CSMD3: variants seen among roughly 807,000 people sequenced by gnomAD.
CSMD3 encodes CUB and Sushi multiple domains 3, also known as CUB and sushi domain-containing protein 3.
Under a neutral mutation model 435.2 loss-of-function variants are expected in CSMD3, and 177 were observed. The ratio of observed to expected loss-of-function variants is 0.41; its 90% CI spans 0.36 to 0.46. CSMD3 has a LOEUF of 0.46. Ranked by LOEUF, CSMD3 falls within the 20% of genes least tolerant of loss-of-function variation. CSMD3 has a pLI of 0.34. For synonymous variants in CSMD3, 1,656 were observed against 1,520.5 expected (o/e 1.09, Z -2.07); for missense variants, 4,265 against 4,504.6 (o/e 0.95, Z 1.52).
intron 3 of CSMD3, among the ~76,000 whole-genome samples, chr8:113,217,999 T>A (rs1387706854): frequency 1.3e-5 from 2 of 151,198 alleles, no homozygotes; most frequent in Non-Finnish European, 3.0e-5. Flanking sequence ...ATAATGTAAC[T>A]GCTAAATTTT....
intron 41 of CSMD3, 51 bp downstream of exon 41, chr8:112,346,046 G>C (rs2131021953): frequency 1.0e-6 from 1 of 978,862 alleles, no homozygotes; most frequent in Non-Finnish European, 1.7e-6. Flanking sequence ...TTATTTTAAG[G>C]CTACATTAAT....
chr8:112,405,450 T>C (rs920784698), intron 35 of CSMD3, among the ~76,000 whole-genome samples: 1 of 150,984 alleles, frequency 6.6e-6, no homozygotes, highest in African/African-American at 2.4e-5. Context: ...TTCCCTACTT[T>C]CTATATTTTC....
chr8:112,343,079 GAA>G (rs1825333245), intron 41 of CSMD3, among the ~76,000 whole-genome samples: 1 of 139,912 alleles, frequency 7.1e-6, no homozygotes, highest in Non-Finnish European at 1.6e-5. Flanking sequence ...AAAACTCAAA[GAA>G]AAGAGTATGG....
At chr8:112,725,619 T>C (rs917508745) in intron 13 of CSMD3, among the ~76,000 whole-genome samples, 2 of 151,882 alleles carry the variant, frequency 1.3e-5, no homozygotes, top group Non-Finnish European at 2.9e-5. Context: ...CTTTTGTATA[T>C]ATGAAAGGGA....
chr8:113,426,509 A>G (rs1180171762), intron 1 of CSMD3, among the ~76,000 whole-genome samples: 2 of 151,402 alleles, frequency 1.3e-5, no homozygotes, highest in African/African-American at 4.8e-5. Context: ...AGAAGATTAA[A>G]AAAACAAAAC....
intron 22 of CSMD3, among the ~76,000 whole-genome samples, chr8:112,593,452 A>G (rs1831375371): frequency 6.6e-6 from 1 of 152,230 alleles, no homozygotes; most frequent in African/African-American, 2.4e-5. Context: ...AGAGAAGACA[A>G]TGAGTGGCTT....
At chr8:112,335,615 C>A (rs1586802801) in intron 44 of CSMD3, 141 bp from the exon 45 acceptor site, 1 of 736,074 alleles carries the variant, frequency 1.4e-6, no homozygotes, top group Non-Finnish European at 2.4e-6. Flanking sequence ...CCAATGAGTA[C>A]AAATTATATA....
intron 3 of CSMD3, among the ~76,000 whole-genome samples, chr8:113,267,942 A>G (rs1266696453): frequency 6.6e-6 from 1 of 151,778 alleles, no homozygotes; most frequent in Non-Finnish European, 1.5e-5. Flanking sequence ...AGATCTTAAG[A>G]TAATCATTAT....
At chr8:112,415,802 G>A (rs1811850219) in intron 32 of CSMD3, among the ~76,000 whole-genome samples, 1 of 152,182 alleles carries the variant, frequency 6.6e-6, no homozygotes, top group Non-Finnish European at 1.5e-5. Flanking sequence ...GAATTTTAAG[G>A]CTTAATGACT....
At chr8:113,421,423 G>T (rs1222578924) in intron 1 of CSMD3, among the ~76,000 whole-genome samples, 1 of 152,120 alleles carries the variant, frequency 6.6e-6, no homozygotes, top group Non-Finnish European at 1.5e-5. Context: ...TATAATAAAA[G>T]TTGAAACAAT....
intron 12 of CSMD3, among the ~76,000 whole-genome samples, chr8:112,815,365 A>C (rs563536743): frequency 6.6e-6 from 1 of 152,298 alleles, no homozygotes; most frequent in South Asian, 2.1e-4. Flanking sequence ...GGGTCTTATT[A>C]CTTTTACAAA....
At chr8:112,266,636 A>C (rs1816975898) in intron 59 of CSMD3, among the ~76,000 whole-genome samples, 1 of 152,222 alleles carries the variant, frequency 6.6e-6, no homozygotes, top group Non-Finnish European at 1.5e-5. Flanking sequence ...GTGTAAGTGC[A>C]CACATAATAT....
At chr8:112,995,021 C>T (rs1030964695) in intron 6 of CSMD3, among the ~76,000 whole-genome samples, 3 of 151,430 alleles carry the variant, frequency 2.0e-5, no homozygotes, top group Non-Finnish European at 4.4e-5. Flanking sequence ...AGAGTGTACT[C>T]ATTCTATAAA....
chr8:113,048,571 AAAAG>A (rs571296463), intron 5 of CSMD3, among the ~76,000 whole-genome samples: 6 of 152,318 alleles, frequency 3.9e-5, no homozygotes, highest in South Asian at 4.1e-4. Context: ...TCTAGATTAA[AAAAG>A]AAAGATTACA....
intron 13 of CSMD3, among the ~76,000 whole-genome samples, chr8:112,719,689 C>T (rs1376433282): frequency 6.6e-6 from 1 of 151,810 alleles, no homozygotes; most frequent in East Asian, 1.9e-4. Flanking sequence ...AGGGGGGACA[C>T]AATTCAGTCC....
At chr8:112,237,809 C>G (rs1221048194) in intron 66 of CSMD3, among the ~76,000 whole-genome samples, 1 of 152,024 alleles carries the variant, frequency 6.6e-6, no homozygotes, top group Non-Finnish European at 1.5e-5. Flanking sequence ...TATCATGAGA[C>G]AGTGCTTCTG....
chr8:112,751,153 T>C (rs1016176086), intron 13 of CSMD3, among the ~76,000 whole-genome samples: 10 of 152,086 alleles, frequency 6.6e-5, no homozygotes, highest in Non-Finnish European at 1.0e-4. Context: ...CATATAATCC[T>C]CCCCAGCCCT....
intron 9 of CSMD3, among the ~76,000 whole-genome samples, chr8:112,944,782 C>A (rs2083554114): frequency 6.6e-6 from 1 of 151,430 alleles, no homozygotes; most frequent in Non-Finnish European, 1.5e-5. Flanking sequence ...TGTCATAGTC[C>A]TCTGGTCTCT....
Position 112,572,899 on chromosome 8 carries a change from A to G in CSMD3, c.4042+602T>C, listed in dbSNP as rs184546695. ...CTAGTAAAACACATCCATTTAATTC[A>G]TATAACAATTGATGAAACCCACCCT... On this transcript the variant is annotated intron_variant, in intron 24 of 70. Coordinates refer to ENST00000297405, the MANE Select transcript of CSMD3 (RefSeq NM_198123.2). Among the ~76,000 whole-genome samples the G allele has an allele frequency of 5.3e-3, 541 of 101,438 alleles. 2 individuals are homozygous for G. The highest frequency in any genetic ancestry group is 0.02 in the African/African-American group (519 of 26,124). The allele number at this position is 101,438 out of a possible 152,430, so 66.5% of individuals were successfully genotyped here. A position where few individuals can be genotyped will look rare whatever the true frequency, so the allele number is the denominator to read the frequency against.
Sources: gnomAD v4.1 joint callset for allele counts (sites outside exome capture counted in the v4.1 genomes callset) on GRCh38, gnomAD v4.1.1 for gene constraint, MANE v1.5 for transcripts, NCBI Gene and HGNC (gene_info 2026-07-23, HGNC 2026-07-21) for gene names.